HELZ: variants seen among roughly 807,000 people sequenced by gnomAD.
HELZ encodes ATP-dependent RNA helicase with zinc finger domain.
Under a neutral mutation model 218.2 loss-of-function variants are expected in HELZ, and 23 were observed. The ratio of observed to expected loss-of-function variants is 0.11; its 90% confidence interval spans 0.08 to 0.15. The LOEUF (loss-of-function observed/expected upper bound fraction) is 0.15, where lower values mean the gene tolerates loss of function less well. Among genes scored for constraint, HELZ ranks in the 10% least tolerant of loss-of-function variants. HELZ has a pLI of 1.00. For missense variants in HELZ, 1,813 were observed against 2,353.7 expected (o/e 0.77, Z 4.75); for synonymous variants, 814 against 829.4 (o/e 0.98, Z 0.32).
intron 3 of HELZ, among the ~76,000 whole-genome samples, chr17:67,230,859 CAG>C (rs1194959385): frequency 6.6e-6 from 1 of 152,026 alleles, no homozygotes; most frequent in Non-Finnish European, 1.5e-5. Flanking sequence ...AAACTGAGAA[CAG>C]AGTTTTCTAT....
Position 67,189,613 on chromosome 17 carries a change from T to C in HELZ, c.840A>G (p.Thr280=), listed in dbSNP as rs756764911. 6.2e-6 allele frequency: 10 copies of C among 1,612,646 alleles called. No individual in the cohort carries two copies. The highest frequency in any genetic ancestry group is 1.1e-5 in the South Asian group (1 of 91,046). The part of the protein sequence containing the change: ...VTVSTKKSHQ[T]WTFALTCKPA... ...CCTTACAAGTGAGAGCAAAGGTCCA[T>C]GTCTGGTGGGATTTTTTGGTGCTGA... The change falls in exon 11 of 33, where the codon ACA becomes ACG. Residue 280 remains threonine (T), a synonymous_variant. Coordinates refer to ENST00000358691, the MANE Select transcript of HELZ (RefSeq NM_014877.4).
At position 67,076,090 on chromosome 17, in the gene HELZ, GA is replaced by G. The variant is rs1430066861; in HGVS notation, c.*2161del. ...ATAACCTCATGACAAGGGGTCAACT[GA>G]AAGCCCTGACTTGACAATTCTGTCT... On this transcript the variant is annotated 3_prime_UTR_variant, in exon 33 of 33. Transcript: ENST00000358691. 2 of 152,576 alleles carry G rather than the reference GA, an allele frequency of 1.3e-5. No homozygotes were observed. The highest frequency in any genetic ancestry group is 4.8e-5 in the African/African-American group (2 of 41,444). 9.5% of individuals were successfully genotyped at this position (152,576 alleles called of 1,614,324 possible).
At chr17:67,184,098 C>T (rs1472415118) in intron 12 of HELZ, among the ~76,000 whole-genome samples, 4 of 151,738 alleles carry the variant, frequency 2.6e-5, no homozygotes, top group African/African-American at 9.7e-5. Flanking sequence ...CAATACTTAA[C>T]AATGAACTAG....
rs764540800 is a variant in HELZ at position 67,145,746 on chromosome 17, T to C, written c.2766A>G (p.Ala922=). ...EKNSTAFYNN[A]EVFEVVERVE... is the part of the protein sequence containing the mutation. Reference sequence around the variant, plus strand: ...TTTACAAAAAGAATTAAGGTACCTCTGCATTATTATAAAAAGCTGTGCTAT... The same window carrying C: ...TTTACAAAAAGAATTAAGGTACCTCCGCATTATTATAAAAAGCTGTGCTAT... The change falls in exon 21 of 33, where the codon GCA becomes GCG. Residue 922 remains alanine (A), a synonymous_variant. Transcript: ENST00000358691. 2 of 1,604,504 alleles carry C rather than the reference T, an allele frequency of 1.2e-6. No individual in the cohort carries two copies. The highest frequency in any genetic ancestry group is 2.2e-5 in the South Asian group (2 of 89,976).
chr17:67,184,626 T>C (rs7209299), intron 12 of HELZ, among the ~76,000 whole-genome samples: 7,681 of 152,102 alleles, frequency 0.05, 669 homozygotes, highest in African/African-American at 0.18. Flanking sequence ...CAGAGAGACC[T>C]TGTCTCTACA....
chr17:67,203,748 C>A (rs1421553673), intron 5 of HELZ, among the ~76,000 whole-genome samples: 1 of 152,176 alleles, frequency 6.6e-6, no homozygotes, highest in Non-Finnish European at 1.5e-5. Flanking sequence ...TAAATGAGGG[C>A]TTTTAAATTG....
intron 21 of HELZ, among the ~76,000 whole-genome samples, chr17:67,142,386 A>G (rs2038354045): frequency 6.6e-6 from 1 of 152,086 alleles, no homozygotes; most frequent in Admixed American, 6.5e-5. Flanking sequence ...ATGCATCTGT[A>G]GTCCCAGCTA....
intron 1 of HELZ, chr17:67,244,660 T>C: frequency 2.1e-6 from 2 of 974,972 alleles, no homozygotes; most frequent in Non-Finnish European, 2.4e-6. Context: ...CCTGACCCAC[T>C]TTTCCCCACG....
chr17:67,120,043 G>C, intron 27 of HELZ: 1 of 276,750 alleles, frequency 3.6e-6, no homozygotes, highest in Non-Finnish European at 6.4e-6. Flanking sequence ...TCACTCTATC[G>C]CCCAGGCTGG....
chr17:67,212,745 T>C (rs1484349903), intron 5 of HELZ, among the ~76,000 whole-genome samples: 2 of 152,200 alleles, frequency 1.3e-5, no homozygotes, highest in Admixed American at 6.5e-5. Flanking sequence ...TCCTTCCTTA[T>C]TGGAAGGTAA....
chr17:67,178,847 T>G lies in HELZ; in HGVS notation c.1242A>C (p.Ile414=), dbSNP rs1248813432. The G allele has an allele frequency of 1.2e-6, 2 of 1,613,422 alleles. No individual in the cohort carries two copies. Among genetic ancestry groups the G allele is most frequent in the Admixed American group, 3.3e-5 (2 of 60,002 alleles). ...CAGTAGTTTCATTAGGTTCAAAATC[T>G]ATAATAGTCTTAGAGGAAGAATCCC... The part of the protein sequence containing the change: ...KRWDSSSKTI[I]DFEPNETTDL... Residue 414 remains isoleucine, a synonymous_variant, in exon 13 of 33, where the codon ATA becomes ATC. Coordinates refer to ENST00000358691, the MANE Select transcript of HELZ (RefSeq NM_014877.4).
At chr17:67,175,459 AT>A (rs2039429105) in intron 13 of HELZ, among the ~76,000 whole-genome samples, 1 of 152,224 alleles carries the variant, frequency 6.6e-6, no homozygotes, top group Non-Finnish European at 1.5e-5. Context: ...TAAAATGCAT[AT>A]AAATATTAAG....
rs1429958978 is a variant in HELZ at position 67,188,871 on chromosome 17, A to G, written c.865-255T>C. Among the ~76,000 whole-genome samples, 1 of 152,146 alleles carries G rather than the reference A, an allele frequency of 6.6e-6. No individual in the cohort carries two copies. The highest frequency in any genetic ancestry group is 2.4e-5 in the African/African-American group (1 of 41,434). On this transcript the variant is annotated intron_variant, in intron 11 of 32. Transcript: ENST00000358691. This position sits in a 1 kb window ranked among gnomAD's most constrained non-coding sequence, Gnocchi z 4.1. ...TCACTGTGGCAAAAGCTATCACCCT[A>G]TATAACCATCAACCTTCAAACTTTC...
rs1401459717 is a variant in HELZ, at chr17:67,192,541, C to T, written c.557+1426G>A. Among the ~76,000 whole-genome samples the T allele has an allele frequency of 5.3e-5, 8 of 152,176 alleles. No homozygotes were observed. In the South Asian group the frequency reaches 1.2e-3, roughly 24 times the overall value. ...AAATCTTTGTCTTTCTATTGCTTGGCTTTAAATTATTTCCCTAAAAAGTGA... is the reference window on the plus strand; with the variant it reads ...AAATCTTTGTCTTTCTATTGCTTGGTTTTAAATTATTTCCCTAAAAAGTGA... On this transcript the variant is annotated intron_variant, in intron 9 of 32. Coordinates refer to ENST00000358691, the MANE Select transcript of HELZ (RefSeq NM_014877.4).
intron 5 of HELZ, among the ~76,000 whole-genome samples, chr17:67,203,648 G>A (rs139109554): frequency 8.7e-4 from 133 of 152,270 alleles, no homozygotes; most frequent in African/African-American, 2.9e-3. Flanking sequence ...TAAACATACC[G>A]AACTTACAAC....
intron 13 of HELZ, among the ~76,000 whole-genome samples, chr17:67,169,142 CTAAT>C (rs1465944902): frequency 2.0e-5 from 3 of 151,932 alleles, no homozygotes; most frequent in Non-Finnish European, 4.4e-5. Flanking sequence ...AAGATGTAAA[CTAAT>C]TAACAGTTCT....
chr17:67,155,836 TAAAAAA>T (rs1465960004), intron 17 of HELZ, among the ~76,000 whole-genome samples: 1 of 141,380 alleles, frequency 7.1e-6, no homozygotes, highest in African/African-American at 2.6e-5. Flanking sequence ...GACTCTGTCT[TAAAAAA>T]GAAAAAAAAA....
In HELZ at chr17:67,146,460, C is replaced by A. The variant is rs571307200; in HGVS notation, c.2622-570G>T. Reference sequence around the variant, plus strand: ...CCATATAACCTGTATGTGTAGTAGGCTATGCCATCTAGGTTAGTGTAAGTT... The same window carrying A: ...CCATATAACCTGTATGTGTAGTAGGATATGCCATCTAGGTTAGTGTAAGTT... On this transcript the variant is annotated intron_variant, in intron 20 of 32. Transcript: ENST00000358691. Among the ~76,000 whole-genome samples the A allele has an allele frequency of 2.6e-5, 4 of 152,284 alleles. No individual in the cohort carries two copies. The East Asian group carries it at 7.7e-4, about 29-fold the overall frequency.
intron 13 of HELZ, among the ~76,000 whole-genome samples, chr17:67,178,043 G>A (rs2144220958): frequency 6.6e-6 from 1 of 152,182 alleles, no homozygotes; most frequent in South Asian, 2.1e-4. Flanking sequence ...TTAATAGAAA[G>A]CTACTACCAA....
Sources: gnomAD v4.1 joint callset for allele counts (sites outside exome capture counted in the v4.1 genomes callset) on GRCh38, gnomAD v4.1.1 for gene constraint, Gnocchi (gnomAD v3.1) non-coding constraint, MANE v1.5 for transcripts, NCBI Gene and HGNC (gene_info 2026-07-23, HGNC 2026-07-21) for gene names.